GLI2: variants seen among roughly 807,000 people sequenced by gnomAD.
GLI2 encodes the protein transcription activator GLI2.
In GLI2, 22 loss-of-function variants were observed where a neutral mutation model predicts 78.9. The observed-to-expected ratio is 0.28, with a 90% CI of 0.20 to 0.40. The LOEUF is 0.40. Ranked by LOEUF, GLI2 falls within the 10% of genes least tolerant of loss-of-function variation. GLI2 has a pLI of 1.00. For synonymous variants in GLI2, 974 were observed against 963.7 expected (o/e 1.01, Z -0.20); for missense variants, 2,097 against 2,213.2 (o/e 0.95, Z 1.05).
At position 120,827,525 on chromosome 2, in the gene GLI2, C is replaced by T. The variant is rs549008844; in HGVS notation, c.148+30057C>T. Among the ~76,000 whole-genome samples, 6 of 152,308 alleles carry T rather than the reference C, an allele frequency of 3.9e-5. No homozygotes were observed. In the South Asian group the frequency reaches 1.2e-3, roughly 32 times the overall value. On this transcript the variant is annotated intron_variant, in intron 2 of 13. Transcript: ENST00000361492. ...AGAATTACCTTACAATCCAGCAATT[C>T]TCCTTTTGGATTTAGACTCAGAAAA...
intron 2 of GLI2, among the ~76,000 whole-genome samples, chr2:120,872,679 G>A (rs1688525549): frequency 6.6e-6 from 1 of 152,218 alleles, no homozygotes; most frequent in Non-Finnish European, 1.5e-5. Flanking sequence ...GTCACCTGCT[G>A]GTTGTGTGAT....
chr2:120,742,207 G>A (rs1682570668), intron 1 of GLI2, among the ~76,000 whole-genome samples: 1 of 152,172 alleles, frequency 6.6e-6, no homozygotes, highest in African/African-American at 2.4e-5. Context: ...GTCCACTCCC[G>A]GCGACAGGAA....
chr2:120,792,771 C>T (rs191626184), intron 1 of GLI2, among the ~76,000 whole-genome samples: 14 of 152,126 alleles, frequency 9.2e-5, no homozygotes, highest in Non-Finnish European at 1.6e-4. Context: ...TACAGGTGCA[C>T]GCCACCATGC....
chr2:120,821,836 C>T (rs116563446), intron 2 of GLI2, among the ~76,000 whole-genome samples: 1,565 of 152,312 alleles, frequency 0.01, 11 homozygotes, highest in Non-Finnish European at 0.016. Flanking sequence ...TTCACCAGGG[C>T]CGCCCAGCTG....
chr2:120,981,853 C>T (rs1295206662), intron 10 of GLI2, among the ~76,000 whole-genome samples: 3 of 152,058 alleles, frequency 2.0e-5, no homozygotes, highest in African/African-American at 7.2e-5. Flanking sequence ...TTCCTCCTTC[C>T]GTCCTTTCCA....
intron 2 of GLI2, among the ~76,000 whole-genome samples, chr2:120,857,151 CTG>C (rs905668895): frequency 3.2e-4 from 49 of 152,260 alleles, no homozygotes; most frequent in South Asian, 4.1e-4. Flanking sequence ...ACTGCCCACT[CTG>C]TGGGCAGCTG....
At chr2:120,804,762 G>A (rs922332677) in intron 2 of GLI2, among the ~76,000 whole-genome samples, 8 of 152,340 alleles carry the variant, frequency 5.3e-5, no homozygotes, top group East Asian at 1.9e-4. Flanking sequence ...CCCAGGAAGC[G>A]GGGTGCAGGC....
chr2:120,888,325 G>C (rs948822874), intron 2 of GLI2, among the ~76,000 whole-genome samples: 22 of 152,184 alleles, frequency 1.4e-4, no homozygotes, highest in Non-Finnish European at 1.9e-4. Flanking sequence ...TTTATTTTTG[G>C]TATTTTCCTG....
intron 2 of GLI2, among the ~76,000 whole-genome samples, chr2:120,867,737 T>A (rs1176314373): frequency 2.0e-5 from 3 of 152,142 alleles, no homozygotes; most frequent in Non-Finnish European, 4.4e-5. Flanking sequence ...CGCTCCAAGT[T>A]TGAAGCCAGC....
In GLI2 at chr2:120,990,926, A is replaced by G. The variant is rs1683271245; in HGVS notation, c.*251A>G. The G allele has an allele frequency of 5.7e-6, 3 of 524,608 alleles. No individual in the cohort carries two copies. The highest frequency in any genetic ancestry group is 1.0e-5 in the Non-Finnish European group (3 of 295,636). The allele number at this position is 524,608 out of a possible 1,614,324, so 32.5% of individuals were successfully genotyped here. The stretch of plus-strand genomic sequence containing the variant: ...GAAGGAATGCAAAACTCATTTACAC[A>G]GTGCTTTCCAGCCTTTGGTGCTTAC... On this transcript the variant is annotated 3_prime_UTR_variant, in exon 14 of 14. Transcript: ENST00000361492.
chr2:120,983,073 A>G (rs1157379174), intron 11 of GLI2, among the ~76,000 whole-genome samples, 193 bp downstream of exon 11: 1 of 152,012 alleles, frequency 6.6e-6, no homozygotes, highest in Non-Finnish European at 1.5e-5. Flanking sequence ...TCTATGCCAC[A>G]TCCTTTCCTC....
At chr2:120,816,763 T>C (rs896771131) in intron 2 of GLI2, among the ~76,000 whole-genome samples, 2 of 152,196 alleles carry the variant, frequency 1.3e-5, no homozygotes, top group African/African-American at 2.4e-5. Flanking sequence ...TGTTGCACTA[T>C]GTTGTTTTGG....
chr2:120,911,240 A>T (rs1558875959), intron 2 of GLI2, among the ~76,000 whole-genome samples: 1 of 152,224 alleles, frequency 6.6e-6, no homozygotes. Flanking sequence ...CATTTGACTG[A>T]ACCAGGGCAA....
chr2:120,974,778 G>T, intron 8 of GLI2, 197 bp from the exon 9 acceptor site: 2 of 699,058 alleles, frequency 2.9e-6, no homozygotes, highest in Non-Finnish European at 4.9e-6. Context: ...AAAGGCTGAT[G>T]AGTGTGTGTG....
intron 2 of GLI2, among the ~76,000 whole-genome samples, chr2:120,844,392 C>T (rs1687017485): frequency 6.6e-6 from 1 of 152,182 alleles, no homozygotes; most frequent in Admixed American, 6.5e-5. Flanking sequence ...ATTAGTACAT[C>T]CAGCCCTACT....
intron 2 of GLI2, among the ~76,000 whole-genome samples, chr2:120,882,599 C>A (rs766331503): frequency 6.6e-6 from 1 of 152,202 alleles, no homozygotes; most frequent in African/African-American, 2.4e-5. Context: ...TCTTTGAGCG[C>A]GGGTGTCTGG....
At chr2:120,972,623 C>T (rs750504092) in intron 8 of GLI2, 3 of 518,610 alleles carry the variant, frequency 5.8e-6, no homozygotes, top group South Asian at 1.4e-5. Context: ...GGAGAGGTGG[C>T]GCTATGGGAG....
chr2:120,877,170 C>A (rs1688794594), intron 2 of GLI2, among the ~76,000 whole-genome samples: 1 of 152,220 alleles, frequency 6.6e-6, no homozygotes, highest in Non-Finnish European at 1.5e-5. Context: ...GAGCCTGCCC[C>A]TGAGCACTGT....
At chr2:120,881,890 T>G (rs867242761) in intron 2 of GLI2, among the ~76,000 whole-genome samples, 2 of 151,572 alleles carry the variant, frequency 1.3e-5, no homozygotes, top group Non-Finnish European at 1.5e-5. Flanking sequence ...GCTGGCGGCA[T>G]CATGAACTTT....
Sources: gnomAD v4.1 joint callset for allele counts (sites outside exome capture counted in the v4.1 genomes callset) on GRCh38, gnomAD v4.1.1 for gene constraint, MANE v1.5 for transcripts, NCBI Gene and HGNC (gene_info 2026-07-23, HGNC 2026-07-21) for gene names.